Variants in KCNK4 observed in about 807,000 individuals in gnomAD.
KCNK4 encodes the protein potassium channel subfamily K member 4.
KCNK4 carries 22 observed loss-of-function variants against 28.8 expected under a neutral mutation model. The observed-to-expected ratio is 0.76, with a 90% CI of 0.55 to 1.09. The LOEUF (loss-of-function observed/expected upper bound fraction) is 1.09. Among genes scored for constraint, KCNK4 ranks in the 50% least tolerant of loss-of-function variants. The probability of loss-of-function intolerance (pLI) is 0.00; values close to 1 mark genes in which losing one functional copy is unlikely to be tolerated. For missense variants in KCNK4, 483 were observed against 546.3 expected (o/e 0.88, Z 1.15); for synonymous variants, 263 against 252.9 (o/e 1.04, Z -0.38).
At chr11:64,299,074 G>T (rs961967943) in intron 6 of KCNK4, among the ~76,000 whole-genome samples, 3 of 112,524 alleles carry the variant, frequency 2.7e-5, no homozygotes, top group African/African-American at 9.7e-5. Context: ...AAAAAAAAAA[G>T]CATGTCCCAA....
chr11:64,293,311 C>T, intron 2 of KCNK4, 104 bp downstream of exon 2: 1 of 1,271,012 alleles, frequency 7.9e-7, no homozygotes, highest in Non-Finnish European at 1.0e-6. Context: ...ATCAGTATCC[C>T]TGAGGACGGG....
intron 2 of KCNK4, among the ~76,000 whole-genome samples, chr11:64,294,962 G>A (rs192276352): frequency 1.3e-5 from 2 of 152,140 alleles, no homozygotes; most frequent in Admixed American, 6.5e-5. Context: ...CTTTTTTCCT[G>A]GATAAGAAAA....
chr11:64,295,634 G>C (rs1477508673), intron 2 of KCNK4, among the ~76,000 whole-genome samples: 1 of 151,750 alleles, frequency 6.6e-6, no homozygotes, highest in African/African-American at 2.4e-5. Context: ...AGAAAATCTG[G>C]GGGGAAGGTT....
rs769998924 is a variant in KCNK4, at chr11:64,296,926, A to G, written c.238A>G (p.Thr80Ala). Residue 80 changes from threonine to alanine, a missense_variant, in exon 3 of 7, where the codon ACC (threonine) becomes GCC (alanine). Thr to Ala is a moderately conservative substitution (Grantham distance 58, BLOSUM62 0). Coordinates refer to ENST00000422670, the MANE Select transcript of KCNK4 (RefSeq NM_033310.3). ...GGGADPETNS[T>A]SNSSHSAWDL... ...GGGTGCGGACCCAGAAACCAACTCG[A>G]CCAGCAACAGCAGCCACTCAGCCTG... 5 of 1,511,114 alleles carry G rather than the reference A, an allele frequency of 3.3e-6. No homozygotes were observed. The highest frequency in any genetic ancestry group is 4.4e-6 in the Non-Finnish European group (5 of 1,130,858). 93.6% of individuals were successfully genotyped at this position (1,511,114 alleles called of 1,614,324 possible). A position where few individuals can be genotyped will look rare whatever the true frequency, so the allele number is the denominator to read the frequency against.
intron 4 of KCNK4, 59 bp from the exon 5 acceptor site, chr11:64,297,408 A>C: frequency 6.3e-7 from 1 of 1,594,236 alleles, no homozygotes; most frequent in East Asian, 2.2e-5. Flanking sequence ...GGGAGTGGGG[A>C]GTATGGGAGT....
At position 64,299,719 on chromosome 11, in the gene KCNK4, C is replaced by A. The variant is rs1381997269; in HGVS notation, c.1175C>A (p.Pro392Gln). 3.9e-6 allele frequency: 6 copies of A among 1,555,514 alleles called. No homozygotes were observed. Among genetic ancestry groups the A allele is most frequent in the Non-Finnish European group, 5.2e-6 (6 of 1,153,890 alleles). Residue 392 changes from proline (P) to glutamine (Q), a missense_variant, in exon 7 of 7, where the codon CCG (proline) becomes CAG (glutamine). By Grantham distance (76) the Pro-to-Gln change is moderately conservative (BLOSUM62 -1). Transcript: ENST00000422670. Reference protein sequence around the residue: ...GPGRPRDKGVPV With the variant: ...GPGRPRDKGVQV ...GGGCGTCCCCGAGACAAAGGCGTGC[C>A]GGTGTAGGGGCAGGATCCCTGGCCG...
intron 1 of KCNK4, 169 bp from the exon 2 acceptor site, chr11:64,292,773 A>T: frequency 1.8e-6 from 1 of 567,850 alleles, no homozygotes; most frequent in Non-Finnish European, 2.6e-6. Flanking sequence ...CAGCGGAGGT[A>T]AGGGGAAGGC....
At chr11:64,294,863 G>T (rs1565368690) in intron 2 of KCNK4, among the ~76,000 whole-genome samples, 2 of 143,734 alleles carry the variant, frequency 1.4e-5, no homozygotes, top group African/African-American at 5.0e-5. Flanking sequence ...GAGAGGCGTG[G>T]GAAGAATGTA....
chr11:64,299,265 G>T (rs1487335303), intron 6 of KCNK4, 81 bp from the exon 7 acceptor site: 7 of 1,291,666 alleles, frequency 5.4e-6, no homozygotes, highest in Non-Finnish European at 7.2e-6. Context: ...TTTGATCCCT[G>T]CTGGTGAAGG....
chr11:64,297,446 G>A, intron 4 of KCNK4, 21 bp from the exon 5 acceptor site: 1 of 1,613,236 alleles, frequency 6.2e-7, no homozygotes, highest in East Asian at 2.2e-5. Flanking sequence ...CCTGGGTCCT[G>A]CCTACTGCCC....
chr11:64,294,515 C>CAAAAAAAA (rs771542870), intron 2 of KCNK4, among the ~76,000 whole-genome samples: 4 of 92,508 alleles, frequency 4.3e-5, no homozygotes, highest in Admixed American at 1.3e-4. Flanking sequence ...TGATCGGTCT[C>CAAAAAAAA]AAAAAAAAAA....
At position 64,299,694 on chromosome 11, in the gene KCNK4, G is replaced by C. The variant is rs572055265; in HGVS notation, c.1150G>C (p.Gly384Arg). ...PRKPVRPRGPGRPRDKGVPV is the reference protein window; with the variant it reads ...PRKPVRPRGPRRPRDKGVPV ...GAAGCCCGTGCGGCCCCGCGGCCCCGGGCGTCCCCGAGACAAAGGCGTGCC... is the reference window on the plus strand; with the variant it reads ...GAAGCCCGTGCGGCCCCGCGGCCCCCGGCGTCCCCGAGACAAAGGCGTGCC... The change falls in exon 7 of 7, where the codon GGG (glycine) becomes CGG (arginine). Residue 384 changes from glycine to arginine, a missense_variant. Gly to Arg is a moderately radical substitution (Grantham distance 125). Transcript: ENST00000422670. 4.0e-5 allele frequency: 62 copies of C among 1,566,858 alleles called. No individual in the cohort carries two copies. Among genetic ancestry groups the C allele is most frequent in the Admixed American group, 9.3e-5 (5 of 53,648 alleles).
chr11:64,296,909 A>G lies in KCNK4; in HGVS notation c.221A>G (p.Asp74Gly). 2 of 1,511,202 alleles carry G rather than the reference A, an allele frequency of 1.3e-6. No individual in the cohort carries two copies. Among genetic ancestry groups the G allele is most frequent in the Non-Finnish European group, 8.8e-7 (1 of 1,131,254 alleles). The allele number at this position is 1,511,202 out of a possible 1,614,324, so 93.6% of individuals were successfully genotyped here. A position where few individuals can be genotyped will look rare whatever the true frequency, so the allele number is the denominator to read the frequency against. ...EVADALGGGADPETNSTSNSS... is the reference protein window; with the variant it reads ...EVADALGGGAGPETNSTSNSS... ...GCTGATGCCCTGGGAGGGGGTGCGG[A>G]CCCAGAAACCAACTCGACCAGCAAC... The change falls in exon 3 of 7, where the codon GAC (aspartate) becomes GGC (glycine). Residue 74 changes from aspartate to glycine, a missense_variant. By Grantham distance (94) the Asp-to-Gly change is moderately conservative. Coordinates refer to ENST00000422670, the MANE Select transcript of KCNK4 (RefSeq NM_033310.3).
chr11:64,294,817 C>T (rs1373901422), intron 2 of KCNK4, among the ~76,000 whole-genome samples: 4 of 144,446 alleles, frequency 2.8e-5, no homozygotes, highest in African/African-American at 1.0e-4. Context: ...CACCCGACAG[C>T]ATCTCTGACA....
At chr11:64,293,934 G>A (rs1223681175) in intron 2 of KCNK4, among the ~76,000 whole-genome samples, 1 of 152,104 alleles carries the variant, frequency 6.6e-6, no homozygotes, top group Non-Finnish European at 1.5e-5. Flanking sequence ...TCCATCCCAA[G>A]CAATATTTTT....
chr11:64,291,920 C>CCGCCA (rs1278735860), intron 1 of KCNK4: 1 of 669,748 alleles, frequency 1.5e-6, no homozygotes, highest in Non-Finnish European at 1.9e-6. Flanking sequence ...GTCCCGCCGC[C>CCGCCA]CGCCACGCTC....
chr11:64,292,841 G>A (rs576206725), intron 1 of KCNK4, 101 bp from the exon 2 acceptor site: 12 of 1,311,548 alleles, frequency 9.1e-6, no homozygotes, highest in African/African-American at 4.6e-5. Context: ...GGACAGTGCA[G>A]CTGGGGGCTT....
chr11:64,298,008 G>T (rs1329019446), intron 5 of KCNK4, 102 bp from the exon 6 acceptor site: 68 of 1,357,506 alleles, frequency 5.0e-5, no homozygotes, highest in Non-Finnish European at 6.9e-5. Flanking sequence ...TTGCCCTAGG[G>T]AGGGCAGGTC....
At chr11:64,298,029 A>G (rs1027934751) in intron 5 of KCNK4, 81 bp from the exon 6 acceptor site, 23 of 1,522,766 alleles carry the variant, frequency 1.5e-5, no homozygotes, top group Middle Eastern at 1.7e-4. Flanking sequence ...CTCTCCAGGA[A>G]CTGGGAGGGG....
Sources: allele counts gnomAD v4.1 joint callset (sites outside exome capture counted in the v4.1 genomes callset), GRCh38; gene constraint gnomAD v4.1.1; transcripts MANE v1.5; gene names NCBI Gene and HGNC (gene_info 2026-07-23, HGNC 2026-07-21).